ADAM10: variants seen among roughly 807,000 people sequenced by gnomAD.
ADAM10 encodes ADAM metallopeptidase domain 10.
In ADAM10, 17 loss-of-function variants were observed where a neutral mutation model predicts 90.1. That is an observed-to-expected ratio of 0.19 (90% CI 0.13 to 0.28). The LOEUF (loss-of-function observed/expected upper bound fraction) is 0.28, where lower values mean the gene tolerates loss of function less well. Among genes scored for constraint, ADAM10 ranks in the 10% least tolerant of loss-of-function variants. The pLI is 1.00. For synonymous variants in ADAM10, 310 were observed against 298.6 expected (o/e 1.04, Z -0.40); for missense variants, 610 against 914.3 (o/e 0.67, Z 4.29).
chr15:58,643,195 T>C (rs1158510299), intron 7 of ADAM10, among the ~76,000 whole-genome samples: 1 of 152,132 alleles, frequency 6.6e-6, no homozygotes, highest in African/African-American at 2.4e-5. Context: ...TTAATATTTA[T>C]TTATTTACCT....
rs1422364719 is a variant in ADAM10, at chr15:58,706,917, G to A, written c.206+10660C>T. On this transcript the variant is annotated intron_variant, in intron 2 of 15. Transcript: ENST00000260408. ...CCAGCTACTCAGGAGGCTGAGGCAG[G>A]AGAATCGCTTGAACCCAGGACACAG... Among the ~76,000 whole-genome samples, 6 of 150,742 alleles carry A rather than the reference G, an allele frequency of 4.0e-5. No homozygotes were observed. In the South Asian group the frequency reaches 8.4e-4, roughly 21 times the overall value.
intron 15 of ADAM10, among the ~76,000 whole-genome samples, 154 bp downstream of exon 15, chr15:58,599,444 G>C (rs1895051034): frequency 6.6e-6 from 1 of 151,902 alleles, no homozygotes; most frequent in South Asian, 2.1e-4. Flanking sequence ...TTGACAAAAA[G>C]CACACAAATA....
intron 11 of ADAM10, among the ~76,000 whole-genome samples, chr15:58,614,170 A>G (rs1401839847): frequency 6.6e-6 from 1 of 152,118 alleles, no homozygotes; most frequent in Non-Finnish European, 1.5e-5. Context: ...CTGTAATACC[A>G]GCTACTCAGG....
chr15:58,684,365 G>A (rs544697585), intron 2 of ADAM10, among the ~76,000 whole-genome samples: 19 of 152,242 alleles, frequency 1.2e-4, no homozygotes, highest in African/African-American at 4.3e-4. Flanking sequence ...TGCTAATGAG[G>A]TGACTTAGAG....
chr15:58,662,241 G>C (rs1487000949), intron 5 of ADAM10, among the ~76,000 whole-genome samples: 1 of 152,136 alleles, frequency 6.6e-6, no homozygotes, highest in African/African-American at 2.4e-5. Flanking sequence ...ACATTTTTGA[G>C]GTTTGTTTTT....
rs1895991114 is a variant in ADAM10, at chr15:58,627,850, AT to A, written c.1209del (p.Glu403AspfsTer38). On this transcript the variant is annotated frameshift_variant, in exon 10 of 16. Transcript: ENST00000260408. LOFTEE classifies it high-confidence loss of function. ...HDSGTECTPG[E>X]SKNLGQKENG... ...TTTTCTTTTTGACCCAAATTCTTAGATTCTCCTGGTGTGCACTCTGTTCCAG... is the reference window on the plus strand; with the variant it reads ...TTTTCTTTTTGACCCAAATTCTTAGATCTCCTGGTGTGCACTCTGTTCCAG... The A allele has an allele frequency of 6.2e-7, 1 of 1,613,484 alleles. No individual in the cohort carries two copies. Among genetic ancestry groups the A allele is most frequent in the Admixed American group, 1.7e-5 (1 of 59,986 alleles).
intron 5 of ADAM10, among the ~76,000 whole-genome samples, chr15:58,657,135 T>C (rs1325550124): frequency 3.9e-5 from 6 of 152,334 alleles, no homozygotes; most frequent in African/African-American, 1.4e-4. Flanking sequence ...TTTATGGCCT[T>C]TGCTGGTTTG....
rs1375074663 is a variant in ADAM10, at chr15:58,590,641, C to A, written c.*6906G>T. On this transcript the variant is annotated 3_prime_UTR_variant, in exon 16 of 16. Transcript: ENST00000260408. The stretch of plus-strand genomic sequence containing the variant: ...ATGAAAACTAACCACAATCACAAAA[C>A]TAAATAATGAAGAATATATTGACAC... The A allele has an allele frequency of 1.3e-5, 2 of 152,164 alleles. No homozygotes were observed. The highest frequency in any genetic ancestry group is 3.8e-4 in the East Asian group (2 of 5,204). 9.4% of individuals were successfully genotyped at this position (152,164 alleles called of 1,614,324 possible). A position where few individuals can be genotyped will look rare whatever the true frequency, so the allele number is the denominator to read the frequency against.
rs1183549018 is a variant in ADAM10, at chr15:58,647,264, T to C, written c.586-1060A>G. 1.1e-4 allele frequency among the ~76,000 whole-genome samples: 12 copies of C among 113,162 alleles called. 1 individual carries two copies. In the East Asian group the frequency reaches 2.4e-3, roughly 23 times the overall value. 74.2% of individuals were successfully genotyped at this position (113,162 alleles called of 152,430 possible). A position where few individuals can be genotyped will look rare whatever the true frequency, so the allele number is the denominator to read the frequency against. ...ACACTAAGTATTTTTTTTTTTTTTT[T>C]TTTTTTTTTTTTTTGAGACAGAGTC... On this transcript the variant is annotated intron_variant, in intron 5 of 15. Coordinates refer to ENST00000260408, the MANE Select transcript of ADAM10 (RefSeq NM_001110.4).
In ADAM10 at chr15:58,645,952, C is replaced by A. The variant is rs56129470; in HGVS notation, c.735+103G>T. On this transcript the variant is annotated intron_variant, in intron 6 of 15. Transcript: ENST00000260408. Reference sequence around the variant, plus strand: ...ATCACATCACAACTGAAAACACATACTTTTTCCCAAAAAGAGAATACACTA... The same window carrying A: ...ATCACATCACAACTGAAAACACATAATTTTTCCCAAAAAGAGAATACACTA... The A allele has an allele frequency of 2.4e-4, 314 of 1,304,166 alleles. 4 individuals are homozygous for A. The East Asian group carries it at 7.3e-3, about 30-fold the overall frequency. 80.8% of individuals were successfully genotyped at this position (1,304,166 alleles called of 1,614,324 possible). A position where few individuals can be genotyped will look rare whatever the true frequency, so the allele number is the denominator to read the frequency against.
chr15:58,713,960 A>G (rs983754087), intron 2 of ADAM10, among the ~76,000 whole-genome samples: 11 of 151,780 alleles, frequency 7.2e-5, no homozygotes, highest in Non-Finnish European at 1.2e-4. Context: ...CTACAGGCGC[A>G]TGCCCAGCTA....
In ADAM10 at chr15:58,594,520, C is replaced by G. The variant is rs1894901105; in HGVS notation, c.*3027G>C. ...AAAGTGTTGAAGACACCTCACAAAA[C>G]AAGACTGATCAGAGAAAGTTGTCAT... On this transcript the variant is annotated 3_prime_UTR_variant, in exon 16 of 16. Coordinates refer to ENST00000260408, the MANE Select transcript of ADAM10 (RefSeq NM_001110.4). 1 of 152,188 alleles carries G rather than the reference C, an allele frequency of 6.6e-6. No individual in the cohort carries two copies. The highest frequency in any genetic ancestry group is 1.5e-5 in the Non-Finnish European group (1 of 68,028). 9.4% of individuals were successfully genotyped at this position (152,188 alleles called of 1,614,324 possible).
Position 58,749,622 on chromosome 15 carries a change from C to A in ADAM10, c.-88G>T, listed in dbSNP as rs1899915610. On this transcript the variant is annotated 5_prime_UTR_variant, in exon 1 of 16. Transcript: ENST00000260408. ...AGGGAGAAGCTGAAGGGGCTTGGTCCGGAGCCTCCACGGGAAGCCGGGACC... is the reference window on the plus strand; with the variant it reads ...AGGGAGAAGCTGAAGGGGCTTGGTCAGGAGCCTCCACGGGAAGCCGGGACC... 5 of 1,539,696 alleles carry A rather than the reference C, an allele frequency of 3.2e-6. No homozygotes were observed. The African/African-American group carries it at 6.9e-5, about 21-fold the overall frequency.
intron 2 of ADAM10, among the ~76,000 whole-genome samples, chr15:58,712,698 C>T (rs1898515303): frequency 6.8e-6 from 1 of 146,414 alleles, no homozygotes. Flanking sequence ...CGGTGGTGGG[C>T]GCCTCTAGTC....
intron 14 of ADAM10, among the ~76,000 whole-genome samples, chr15:58,608,883 TAA>T (rs1483307635): frequency 5.3e-5 from 8 of 152,124 alleles, no homozygotes; most frequent in African/African-American, 1.9e-4. Context: ...CCCAAAAATC[TAA>T]AATATCTAGC....
chr15:58,723,657 G>A (rs1567012889), intron 1 of ADAM10, among the ~76,000 whole-genome samples: 1 of 151,668 alleles, frequency 6.6e-6, no homozygotes, highest in Non-Finnish European at 1.5e-5. Context: ...GTGAGCCAAG[G>A]TCACGCCACT....
intron 14 of ADAM10, 54 bp from the exon 15 acceptor site, chr15:58,599,778 G>C: frequency 6.4e-7 from 1 of 1,560,686 alleles, no homozygotes; most frequent in Non-Finnish European, 8.8e-7. Flanking sequence ...AAATATTTTA[G>C]AGTATCTTTT....
chr15:58,682,225 G>A lies in ADAM10; in HGVS notation c.296C>T (p.Thr99Ile), dbSNP rs201973232. Residue 99 changes from threonine to isoleucine, a missense_variant, in exon 3 of 16, where the codon ACC becomes ATC. Thr to Ile is a moderately conservative substitution (Grantham distance 89, BLOSUM62 -1). Transcript: ENST00000260408. ...AATATGTCCAGTGTAAATATGAGAG[G>A]TATCATAATCAAGTACTTTATTTGA... Reference protein sequence around the residue: ...ETSNKVLDYDTSHIYTGHIYG... With the variant: ...ETSNKVLDYDISHIYTGHIYG... 6.8e-6 allele frequency: 11 copies of A among 1,612,688 alleles called. No individual in the cohort carries two copies. The African/African-American group carries it at 1.5e-4, about 22-fold the overall frequency.
Position 58,711,530 on chromosome 15 carries a change from G to A in ADAM10, c.206+6047C>T, listed in dbSNP as rs1595645057. Among the ~76,000 whole-genome samples, 6 of 152,202 alleles carry A rather than the reference G, an allele frequency of 3.9e-5. 1 individual carries two copies. The highest frequency in any genetic ancestry group is 3.3e-4 in the Admixed American group (5 of 15,278). ...CTACTCCTTTCTCCATCCAGTTTATGACTACTCCAATACATATATAAAATC... is the reference window on the plus strand; with the variant it reads ...CTACTCCTTTCTCCATCCAGTTTATAACTACTCCAATACATATATAAAATC... On this transcript the variant is annotated intron_variant, in intron 2 of 15. Coordinates refer to ENST00000260408, the MANE Select transcript of ADAM10 (RefSeq NM_001110.4).
Sources: gnomAD v4.1 joint callset for allele counts (sites outside exome capture counted in the v4.1 genomes callset) on GRCh38, gnomAD v4.1.1 for gene constraint, MANE v1.5 for transcripts, NCBI Gene and HGNC (gene_info 2026-07-23, HGNC 2026-07-21) for gene names.